TENM3: variants seen among roughly 807,000 people sequenced by gnomAD.
TENM3 encodes the protein teneurin-3.
A neutral mutation model predicts 255.1 loss-of-function variants in TENM3; 63 were observed. The observed-to-expected ratio is 0.25, with a 90% CI of 0.20 to 0.30. The LOEUF (loss-of-function observed/expected upper bound fraction) is 0.30, where lower values mean the gene tolerates loss of function less well. Ranked by LOEUF, TENM3 falls within the 10% of genes least tolerant of loss-of-function variation. The pLI is 1.00. For synonymous variants in TENM3, 1,306 were observed against 1,322.3 expected, an observed-to-expected ratio of 0.99 and a Z score of 0.27; for missense variants, 2,929 against 3,461.1, an observed-to-expected ratio of 0.85 and a Z score of 3.86.
At chr4:181,921,847 T>C in the TENM3 span, among the ~76,000 whole-genome samples, 2 of 152,144 alleles carry the variant, frequency 1.3e-5, no homozygotes, top group East Asian at 1.9e-4. Flanking sequence ...TTTTTGCCCA[T>C]TCAGTATGAT....
In TENM3 at chr4:182,801,890, G is replaced by T. The variant is rs1299279928; in HGVS notation, c.*1539G>T. On this transcript the variant is annotated 3_prime_UTR_variant, in exon 28 of 28. Transcript: ENST00000511685. ...CCATCTGCACTTCCGTGTCGGCTCA[G>T]CTCTGACAAATCTCTTTCCTGAGCA... The T allele has an allele frequency of 6.6e-6, 1 of 152,610 alleles. No homozygotes were observed. The highest frequency in any genetic ancestry group is 1.5e-5 in the Non-Finnish European group (1 of 68,048). The allele number at this position is 152,610 out of a possible 1,614,324, so 9.5% of individuals were successfully genotyped here. A position where few individuals can be genotyped will look rare whatever the true frequency, so the allele number is the denominator to read the frequency against.
chr4:182,773,875 T>C (rs1358150412), intron 23 of TENM3: 5 of 374,948 alleles, frequency 1.3e-5, no homozygotes, highest in African/African-American at 2.1e-5. Context: ...CTGTTTCCAT[T>C]CCCATGTATT....
chr4:181,967,625 G>A, the TENM3 span, among the ~76,000 whole-genome samples: 8 of 152,062 alleles, frequency 5.3e-5, no homozygotes, highest in Admixed American at 6.6e-5. Context: ...TTGCTGGCTC[G>A]GCCCTTGCTA....
the TENM3 span, among the ~76,000 whole-genome samples, chr4:181,695,610 T>C: frequency 6.6e-6 from 1 of 152,190 alleles, no homozygotes; most frequent in Admixed American, 6.5e-5. Context: ...CCCAAACTAA[T>C]GCTGAAGACT....
chr4:182,064,031 A>T, the TENM3 span, among the ~76,000 whole-genome samples: 1 of 152,112 alleles, frequency 6.6e-6, no homozygotes, highest in African/African-American at 2.4e-5. Context: ...AAGACCAAAC[A>T]GACCTGGGTT....
At chr4:182,143,649 A>G (rs769849779), upstream of TENM3, 7 of 163,338 alleles carry the variant, frequency 4.3e-5, no homozygotes, top group Middle Eastern at 3.4e-3. The surrounding 1 kb of genome is among the most constrained non-coding windows in gnomAD (Gnocchi z 4.3). Flanking sequence ...CCCCTCCCCC[A>G]GGGCCGCCTC....
chr4:181,472,554 T>A, the TENM3 span, among the ~76,000 whole-genome samples: 1 of 151,084 alleles, frequency 6.6e-6, no homozygotes, highest in Non-Finnish European at 1.5e-5. Flanking sequence ...ACAGGGGAGG[T>A]GACTTCTGGA....
the TENM3 span, among the ~76,000 whole-genome samples, chr4:181,663,443 C>A: frequency 6.6e-6 from 1 of 152,114 alleles, no homozygotes; most frequent in East Asian, 1.9e-4. Flanking sequence ...TCTTATAGCA[C>A]AAATAATTTG....
At chr4:181,813,173 C>A in the TENM3 span, among the ~76,000 whole-genome samples, 1 of 152,160 alleles carries the variant, frequency 6.6e-6, no homozygotes, top group Non-Finnish European at 1.5e-5. Context: ...TCACCTCACA[C>A]AATGGAAAAG....
At chr4:181,764,125 A>G in the TENM3 span, among the ~76,000 whole-genome samples, 2 of 152,248 alleles carry the variant, frequency 1.3e-5, 1 homozygote, top group South Asian at 4.1e-4. Context: ...AGATTTTTCA[A>G]GGGGAAAATT....
intron 27 of TENM3, among the ~76,000 whole-genome samples, chr4:182,797,574 C>T (rs1015544762): frequency 6.6e-6 from 1 of 152,114 alleles, no homozygotes; most frequent in Non-Finnish European, 1.5e-5. Flanking sequence ...GATCAAGAGG[C>T]CTGTAACCAT....
chr4:182,657,681 T>C (rs1261100037), intron 6 of TENM3, among the ~76,000 whole-genome samples: 1 of 152,176 alleles, frequency 6.6e-6, no homozygotes, highest in African/African-American at 2.4e-5. Context: ...TGAGACAGGG[T>C]CTCACTCTGT....
At chr4:182,690,677 TACCA>T (rs1280683401) in intron 12 of TENM3, among the ~76,000 whole-genome samples, 1 of 152,202 alleles carries the variant, frequency 6.6e-6, no homozygotes. Context: ...GGATTTAACT[TACCA>T]ACCAATAGTT....
chr4:181,702,411 C>G, the TENM3 span, among the ~76,000 whole-genome samples: 2 of 152,248 alleles, frequency 1.3e-5, no homozygotes, highest in South Asian at 4.2e-4. Flanking sequence ...AAAAAGAAAA[C>G]ATATTATCAA....
intron 1 of TENM3, among the ~76,000 whole-genome samples, chr4:182,253,343 C>T (rs1171747623): frequency 2.6e-5 from 4 of 152,088 alleles, no homozygotes; most frequent in Admixed American, 6.5e-5. Context: ...TGTAGTGGCA[C>T]GTGCCTGTAA....
the TENM3 span, among the ~76,000 whole-genome samples, chr4:182,004,532 C>T: frequency 6.6e-6 from 1 of 152,162 alleles, no homozygotes; most frequent in Non-Finnish European, 1.5e-5. Context: ...CTATAATAAA[C>T]ATACGTGTGC....
chr4:181,539,214 C>A, the TENM3 span, among the ~76,000 whole-genome samples: 4 of 152,080 alleles, frequency 2.6e-5, no homozygotes, highest in African/African-American at 7.2e-5. Context: ...AAGGAGGGAA[C>A]GTGTTAATGG....
the TENM3 span, among the ~76,000 whole-genome samples, chr4:181,538,405 G>T: frequency 2.0e-5 from 3 of 152,002 alleles, no homozygotes; most frequent in African/African-American, 7.2e-5. Flanking sequence ...GTAAACGCTC[G>T]GAACATAAAA....
the TENM3 span, among the ~76,000 whole-genome samples, chr4:182,123,185 G>GT: frequency 5.3e-5 from 8 of 152,070 alleles, no homozygotes; most frequent in South Asian, 1.2e-3. Context: ...TTTTTTGTTT[G>GT]TTTTTTCCTA....
Sources: allele counts gnomAD v4.1 joint callset (sites outside exome capture counted in the v4.1 genomes callset), GRCh38; gene constraint gnomAD v4.1.1; non-coding constraint Gnocchi (gnomAD v3.1); transcripts MANE v1.5; gene names NCBI Gene and HGNC (gene_info 2026-07-23, HGNC 2026-07-21).